The following CFAP276 variants were observed in gnomAD, a reference collection of about 807,000 sequenced individuals.
CFAP276 encodes the protein cilia- and flagella-associated protein 276.
the CFAP276 span, chr1:109,112,818 G>C: frequency 2.9e-6 from 4 of 1,386,438 alleles, no homozygotes; most frequent in South Asian, 1.5e-5. Context: ...ATCTATGACA[G>C]AGGAATTCCC....
the CFAP276 span, among the ~76,000 whole-genome samples, chr1:109,111,269 C>A: frequency 6.6e-6 from 1 of 152,072 alleles, no homozygotes; most frequent in African/African-American, 2.4e-5. Context: ...GAGTTTGAGA[C>A]CAGCCTGGGC....
At chr1:109,110,640 A>G in the CFAP276 span, among the ~76,000 whole-genome samples, 5 of 152,014 alleles carry the variant, frequency 3.3e-5, no homozygotes, top group Non-Finnish European at 7.4e-5. Flanking sequence ...TACTTTTCTT[A>G]TGCTCACATC....
At chr1:109,108,029 T>C in the CFAP276 span, 6 of 1,589,744 alleles carry the variant, frequency 3.8e-6, no homozygotes, top group East Asian at 4.5e-5. Flanking sequence ...GGTTCTTATA[T>C]GGCAATTTCT....
At chr1:109,111,879 C>G in the CFAP276 span, among the ~76,000 whole-genome samples, 1 of 152,208 alleles carries the variant, frequency 6.6e-6, no homozygotes, top group Non-Finnish European at 1.5e-5. Flanking sequence ...TGCTATTGTG[C>G]AAGCATTTTT....
At chr1:109,107,003 T>C in the CFAP276 span, 1 of 1,607,890 alleles carries the variant, frequency 6.2e-7, no homozygotes, top group Non-Finnish European at 8.5e-7. Flanking sequence ...CCTCTACCAC[T>C]TACCTATAGG....
the CFAP276 span, among the ~76,000 whole-genome samples, chr1:109,109,243 G>T: frequency 5.3e-5 from 8 of 152,034 alleles, no homozygotes; most frequent in Non-Finnish European, 1.2e-4. Context: ...GAGGTCAGGA[G>T]TTTGAGACCA....
At chr1:109,113,609 GC>G in the CFAP276 span, 1 of 1,613,022 alleles carries the variant, frequency 6.2e-7, no homozygotes, top group African/African-American at 1.3e-5. Context: ...TCCAGGAGTG[GC>G]CTTCGTAGGA....
chr1:109,110,852 G>T, the CFAP276 span, among the ~76,000 whole-genome samples: 3 of 152,050 alleles, frequency 2.0e-5, no homozygotes, highest in Non-Finnish European at 2.9e-5. Context: ...CCCCAAACCT[G>T]CTTCCCCAGG....
the CFAP276 span, among the ~76,000 whole-genome samples, chr1:109,113,371 CGA>C: frequency 1.6e-5 from 2 of 128,182 alleles, no homozygotes; most frequent in African/African-American, 6.2e-5. Context: ...CCAGTGTGGG[CGA>C]GAGAGTGAGA....
chr1:109,113,465 A>G, the CFAP276 span, among the ~76,000 whole-genome samples: 3 of 132,142 alleles, frequency 2.3e-5, no homozygotes, highest in Non-Finnish European at 4.9e-5. Context: ...AGAGAGAGAG[A>G]GAGGCCCACG....
the CFAP276 span, chr1:109,113,704 G>A: frequency 6.2e-7 from 1 of 1,613,806 alleles, no homozygotes; most frequent in Non-Finnish European, 8.5e-7. Context: ...CACACGCCAC[G>A]TGTGCAACAT....
At chr1:109,107,484 T>G in the CFAP276 span, among the ~76,000 whole-genome samples, 1 of 152,226 alleles carries the variant, frequency 6.6e-6, no homozygotes, top group Admixed American at 6.5e-5. Context: ...CTAAGCCTTC[T>G]GGCTTCCCAG....
the CFAP276 span, among the ~76,000 whole-genome samples, chr1:109,113,410 G>GAA: frequency 2.7e-5 from 3 of 109,498 alleles, no homozygotes; most frequent in Admixed American, 9.9e-5. Context: ...GAGAGAGAGA[G>GAA]AGAGAAAGAG....
the CFAP276 span, among the ~76,000 whole-genome samples, chr1:109,113,432 G>GAGACCCTGTC: frequency 8.2e-6 from 1 of 121,434 alleles, no homozygotes; most frequent in African/African-American, 2.9e-5. Flanking sequence ...GAGAGAGAGA[G>GAGACCCTGTC]AGAGAGAGAG....
chr1:109,109,362 C>G, the CFAP276 span, among the ~76,000 whole-genome samples: 8 of 151,334 alleles, frequency 5.3e-5, no homozygotes, highest in African/African-American at 1.7e-4. Context: ...GAGGGAGAAT[C>G]GCTTGAACCC....
At chr1:109,112,916 G>C in the CFAP276 span, among the ~76,000 whole-genome samples, 1 of 128,914 alleles carries the variant, frequency 7.8e-6, no homozygotes, top group East Asian at 2.4e-4. Context: ...TCCGCTGAGC[G>C]GGCCCGAGAC....
the CFAP276 span, among the ~76,000 whole-genome samples, chr1:109,112,019 G>A: frequency 6.6e-6 from 1 of 152,182 alleles, no homozygotes; most frequent in African/African-American, 2.4e-5. Context: ...AATAAAAAGG[G>A]GCTCTCAATA....
chr1:109,108,178 T>C, the CFAP276 span: 1 of 687,974 alleles, frequency 1.5e-6, no homozygotes. Flanking sequence ...AATCTCACTC[T>C]GTCATAGAAG....
chr1:109,108,865 C>T, the CFAP276 span, among the ~76,000 whole-genome samples: 57 of 151,816 alleles, frequency 3.8e-4, no homozygotes, highest in African/African-American at 1.1e-3. Flanking sequence ...CAGTCAGAGA[C>T]GAAATCAGGA....
Sources: allele counts gnomAD v4.1 joint callset (sites outside exome capture counted in the v4.1 genomes callset), GRCh38; gene constraint gnomAD v4.1.1; transcripts MANE v1.5; gene names NCBI Gene and HGNC (gene_info 2026-07-23, HGNC 2026-07-21).